CHL1: variants seen among roughly 807,000 people sequenced by gnomAD.
CHL1 encodes neural cell adhesion molecule L1-like protein.
CHL1 carries 96 observed loss-of-function variants against 141.9 expected under a neutral mutation model. The ratio of observed to expected loss-of-function variants is 0.68; its 90% CI spans 0.57 to 0.80. CHL1 has a LOEUF of 0.80. CHL1 is among the 30% of genes least tolerant of loss of function. The pLI is 0.00. For missense variants in CHL1, 1,820 were observed against 1,457.2 expected, an observed-to-expected ratio of 1.25 and a Z score of -4.05; for synonymous variants, 613 against 502.2, an observed-to-expected ratio of 1.22 and a Z score of -2.95.
At chr3:356,489 C>G (rs185601497) in intron 11 of CHL1, among the ~76,000 whole-genome samples, 15 of 152,266 alleles carry the variant, frequency 9.9e-5, no homozygotes, top group African/African-American at 3.6e-4. Flanking sequence ...TGGATGGAAT[C>G]CTTGCTCTCC....
At chr3:342,873 T>C (rs1702447959) in intron 7 of CHL1, 111 bp from the exon 8 acceptor site, 1 of 748,652 alleles carries the variant, frequency 1.3e-6, no homozygotes, top group South Asian at 1.9e-5. Context: ...TGAAGCATGG[T>C]TCTACATCAT....
chr3:285,117 T>C (rs568266257), intron 2 of CHL1, among the ~76,000 whole-genome samples: 28 of 152,360 alleles, frequency 1.8e-4, no homozygotes, highest in South Asian at 1.2e-3. Flanking sequence ...TCAAGCATAA[T>C]TGAAATAATT....
intron 2 of CHL1, among the ~76,000 whole-genome samples, chr3:276,484 G>T (rs908497356): frequency 6.6e-6 from 1 of 152,078 alleles, no homozygotes; most frequent in Non-Finnish European, 1.5e-5. Flanking sequence ...TGACCATGAG[G>T]TTTCAATAAG....
chr3:211,076 G>A (rs988452655), intron 1 of CHL1, among the ~76,000 whole-genome samples: 12 of 152,174 alleles, frequency 7.9e-5, no homozygotes, highest in African/African-American at 1.4e-4. Flanking sequence ...AAGAGAACCA[G>A]GAGTATCTTA....
At chr3:300,738 G>A (rs1006629330) in intron 2 of CHL1, among the ~76,000 whole-genome samples, 13 of 151,866 alleles carry the variant, frequency 8.6e-5, no homozygotes, top group African/African-American at 2.4e-4. Flanking sequence ...TGAGATAAGT[G>A]CTCTCGTGTG....
At chr3:265,419 C>T (rs989031796) in intron 2 of CHL1, among the ~76,000 whole-genome samples, 1 of 152,184 alleles carries the variant, frequency 6.6e-6, no homozygotes, top group African/African-American at 2.4e-5. Flanking sequence ...ATTTTCATAT[C>T]TCTTACTGAT....
intron 2 of CHL1, among the ~76,000 whole-genome samples, chr3:305,496 G>T (rs2124936330): frequency 6.6e-6 from 1 of 152,044 alleles, no homozygotes; most frequent in South Asian, 2.1e-4. Flanking sequence ...ATCTTTCACA[G>T]TTTCTCCTTC....
At chr3:346,555 T>A (rs1702785134) in intron 9 of CHL1, among the ~76,000 whole-genome samples, 2 of 152,188 alleles carry the variant, frequency 1.3e-5, no homozygotes, top group Admixed American at 1.3e-4. Context: ...AATAATGAAA[T>A]GCTCTCATGT....
At chr3:379,588 G>T (rs1231180114) in intron 16 of CHL1, among the ~76,000 whole-genome samples, 1 of 152,044 alleles carries the variant, frequency 6.6e-6, no homozygotes, top group Non-Finnish European at 1.5e-5. Context: ...AAAGGACCGG[G>T]TCTCCTACTG....
In CHL1 at chr3:409,072, A is replaced by G. The variant is rs533677539; in HGVS notation, c.*3361A>G. The G allele has an allele frequency of 5.8e-4, 88 of 152,238 alleles. No individual in the cohort carries two copies. Among genetic ancestry groups the G allele is most frequent in the Non-Finnish European group, 1.1e-3 (76 of 67,984 alleles). 9.4% of individuals were successfully genotyped at this position (152,238 alleles called of 1,614,324 possible). On this transcript the variant is annotated 3_prime_UTR_variant, in exon 28 of 28. Transcript: ENST00000256509. Reference sequence around the variant, plus strand: ...ATACCATTAAGATATGATTCATGTAACAATGTTAAATTAATTATAATGGGA... The same window carrying G: ...ATACCATTAAGATATGATTCATGTAGCAATGTTAAATTAATTATAATGGGA...
At chr3:231,635 T>C (rs1701872593) in intron 1 of CHL1, among the ~76,000 whole-genome samples, 1 of 144,486 alleles carries the variant, frequency 6.9e-6, no homozygotes, top group Non-Finnish European at 1.5e-5. Context: ...TGGAGTGCAG[T>C]GGCACAATCC....
At chr3:373,438 G>A (rs758098438) in intron 15 of CHL1, among the ~76,000 whole-genome samples, 3 of 152,236 alleles carry the variant, frequency 2.0e-5, no homozygotes, top group South Asian at 2.1e-4. Context: ...TGTGGGGGAC[G>A]TGTCTTGGGA....
chr3:265,444 T>A (rs1695070165), intron 2 of CHL1, among the ~76,000 whole-genome samples: 1 of 152,230 alleles, frequency 6.6e-6, no homozygotes, highest in Non-Finnish European at 1.5e-5. Context: ...GTAACTCAAA[T>A]AATTGTGCTG....
Position 398,374 on chromosome 3 carries a change from CAA to C in CHL1, c.3243_3244del (p.Gly1083GlufsTer8). 3.8e-6 allele frequency: 6 copies of C among 1,597,162 alleles called. No individual in the cohort carries two copies. The highest frequency in any genetic ancestry group is 5.1e-6 in the Non-Finnish European group (6 of 1,165,232). On this transcript the variant is annotated frameshift_variant, in exon 25 of 28. Transcript: ENST00000256509. LOFTEE classifies it high-confidence loss of function. ...AGCATTTTTCAAGATGTAATTGAGA[CAA>C]GAGGGAGAGGTGAGAAATGAGATTA...
intron 2 of CHL1, among the ~76,000 whole-genome samples, chr3:272,735 A>G (rs1184551452): frequency 6.6e-6 from 1 of 152,208 alleles, no homozygotes; most frequent in Non-Finnish European, 1.5e-5. Flanking sequence ...AATTCCAAAG[A>G]TGATCATAAA....
At chr3:265,540 T>A (rs1376495050) in intron 2 of CHL1, among the ~76,000 whole-genome samples, 1 of 152,198 alleles carries the variant, frequency 6.6e-6, no homozygotes, top group Admixed American at 6.5e-5. Context: ...TGAGCTGAAA[T>A]TCCAACACTG....
At chr3:387,739 A>G (rs1199111214) in intron 19 of CHL1, among the ~76,000 whole-genome samples, 1 of 152,198 alleles carries the variant, frequency 6.6e-6, no homozygotes, top group Non-Finnish European at 1.5e-5. Context: ...TGGTGAATTT[A>G]TATCCATTTC....
chr3:282,294 T>C (rs1358533536), intron 2 of CHL1, among the ~76,000 whole-genome samples: 1 of 152,230 alleles, frequency 6.6e-6, no homozygotes, highest in Non-Finnish European at 1.5e-5. Flanking sequence ...GCTGTTATTG[T>C]CATACAAATT....
chr3:342,517 T>C (rs993206084), intron 7 of CHL1, among the ~76,000 whole-genome samples: 2 of 152,096 alleles, frequency 1.3e-5, no homozygotes, highest in South Asian at 2.1e-4. Flanking sequence ...TTTCCCGACT[T>C]GATTCTGTGG....
Sources: gnomAD v4.1 joint callset for allele counts (sites outside exome capture counted in the v4.1 genomes callset) on GRCh38, gnomAD v4.1.1 for gene constraint, MANE v1.5 for transcripts, NCBI Gene and HGNC (gene_info 2026-07-23, HGNC 2026-07-21) for gene names.